The following USP15 variants were observed in gnomAD, a reference collection of about 807,000 sequenced individuals.
USP15 encodes ubiquitin carboxyl-terminal hydrolase 15.
In USP15, 18 loss-of-function variants were observed where a neutral mutation model predicts 127.1. That is an observed-to-expected ratio of 0.14 (90% confidence interval 0.10 to 0.21). The LOEUF is 0.21. Ranked by LOEUF, USP15 falls within the 10% of genes least tolerant of loss-of-function variation. The pLI is 1.00. For synonymous variants in USP15, 364 were observed against 393.7 expected, an observed-to-expected ratio of 0.92 and a Z score of 0.89; for missense variants, 805 against 1,159.9, an observed-to-expected ratio of 0.69 and a Z score of 4.44.
intron 14 of USP15, among the ~76,000 whole-genome samples, 163 bp downstream of exon 14, chr12:62,390,151 T>C (rs1176516635): frequency 1.3e-5 from 2 of 152,188 alleles, no homozygotes; most frequent in African/African-American, 4.8e-5. Flanking sequence ...CACTTTCTTA[T>C]TCATGTAAAA....
intron 6 of USP15, chr12:62,335,829 CT>C: frequency 1.0e-6 from 1 of 985,320 alleles, no homozygotes; most frequent in Non-Finnish European, 1.2e-6. Context: ...TTTGACCTGT[CT>C]TTAGTATTTC....
chr12:62,331,759 A>G (rs148459922), intron 6 of USP15, among the ~76,000 whole-genome samples: 31 of 152,298 alleles, frequency 2.0e-4, no homozygotes, highest in African/African-American at 7.5e-4. Context: ...TTAATTTAAA[A>G]CATGTAGTCA....
chr12:62,310,339 GTA>G (rs2064628488), intron 3 of USP15, among the ~76,000 whole-genome samples: 2 of 151,700 alleles, frequency 1.3e-5, no homozygotes, highest in Admixed American at 1.3e-4. Context: ...CCATTTTACT[GTA>G]TGTTTGTACT....
intron 3 of USP15, among the ~76,000 whole-genome samples, chr12:62,309,137 G>A (rs1488525491): frequency 6.7e-6 from 1 of 148,364 alleles, no homozygotes; most frequent in Non-Finnish European, 1.5e-5. Context: ...TTCAGTCATT[G>A]TAGAGAGCAG....
chr12:62,384,308 T>A lies in USP15; in HGVS notation c.1473+6T>A. ...CACTTACCAAACCTATGCAGGTAAA[T>A]CATGGGTTGGTTTGTTTTGTTTTTT... On this transcript the variant is annotated splice_donor_region_variant and intron_variant, in intron 11 of 21. Transcript: ENST00000280377. The A allele has an allele frequency of 1.3e-6, 2 of 1,542,840 alleles. No homozygotes were observed. Among genetic ancestry groups the A allele is most frequent in the Non-Finnish European group, 8.7e-7 (1 of 1,144,784 alleles).
At chr12:62,294,038 C>T in intron 1 of USP15, 141 bp from the exon 2 acceptor site, 4 of 784,586 alleles carry the variant, frequency 5.1e-6, no homozygotes, top group Non-Finnish European at 7.8e-6. Flanking sequence ...CTTTCTAATA[C>T]TAAGGGGCAT....
chr12:62,321,754 A>G (rs1175203767), intron 5 of USP15, 145 bp downstream of exon 5: 2 of 544,836 alleles, frequency 3.7e-6, no homozygotes, highest in African/African-American at 2.0e-5. Flanking sequence ...CTTGCTGGTT[A>G]CTGACTCTGA....
At chr12:62,379,790 A>T (rs1320033112) in intron 8 of USP15, among the ~76,000 whole-genome samples, 1 of 152,104 alleles carries the variant, frequency 6.6e-6, no homozygotes, top group East Asian at 1.9e-4. Context: ...ATCAGATGAT[A>T]CTAAGTGATG....
At chr12:62,295,889 C>T (rs1026247735) in intron 2 of USP15, among the ~76,000 whole-genome samples, 3 of 152,166 alleles carry the variant, frequency 2.0e-5, no homozygotes, top group African/African-American at 7.2e-5. Flanking sequence ...GTAGGTGAAA[C>T]CTGTAAATAG....
chr12:62,268,900 C>T (rs1376128846), intron 1 of USP15, among the ~76,000 whole-genome samples: 1 of 152,070 alleles, frequency 6.6e-6, no homozygotes, highest in African/African-American at 2.4e-5. Flanking sequence ...AGTCACCTCC[C>T]ATTTCTCTCC....
chr12:62,402,839 G>T (rs1370579963), intron 21 of USP15, among the ~76,000 whole-genome samples: 2 of 151,984 alleles, frequency 1.3e-5, no homozygotes, highest in Non-Finnish European at 2.9e-5. Context: ...AGATAGATTG[G>T]AGACACTGAG....
chr12:62,270,590 G>T (rs574767149), intron 1 of USP15, among the ~76,000 whole-genome samples: 9 of 152,154 alleles, frequency 5.9e-5, no homozygotes, highest in Admixed American at 2.0e-4. Flanking sequence ...TGGTTATCCA[G>T]TTGTCCCAAA....
intron 4 of USP15, among the ~76,000 whole-genome samples, chr12:62,318,462 TC>T (rs1351984261): frequency 6.6e-6 from 1 of 152,202 alleles, no homozygotes; most frequent in Non-Finnish European, 1.5e-5. Context: ...TCACTTGGCT[TC>T]CTGGGCACAG....
At chr12:62,273,753 TC>T (rs1258269613) in intron 1 of USP15, among the ~76,000 whole-genome samples, 1 of 152,054 alleles carries the variant, frequency 6.6e-6, no homozygotes, top group Non-Finnish European at 1.5e-5. Flanking sequence ...AAAACATGAA[TC>T]TCTTATAGGC....
At chr12:62,381,846 C>T (rs1348941743) in intron 9 of USP15, among the ~76,000 whole-genome samples, 183 bp downstream of exon 9, 2 of 151,886 alleles carry the variant, frequency 1.3e-5, no homozygotes, top group African/African-American at 4.8e-5. Context: ...GGATATGGAA[C>T]AGTTTATCTG....
At chr12:62,300,908 C>T (rs1319902844) in intron 2 of USP15, among the ~76,000 whole-genome samples, 4 of 152,080 alleles carry the variant, frequency 2.6e-5, no homozygotes, top group Non-Finnish European at 4.4e-5. Context: ...ACAAAAGCTT[C>T]TTTAAATGAC....
intron 6 of USP15, among the ~76,000 whole-genome samples, chr12:62,343,184 G>T (rs1328517621): frequency 3.9e-5 from 6 of 152,156 alleles, no homozygotes; most frequent in African/African-American, 1.4e-4. Context: ...ATCCTGCCCA[G>T]TCAAAACCTC....
chr12:62,355,458 A>C lies in USP15; in HGVS notation c.898A>C (p.Met300Leu). The C allele has an allele frequency of 6.2e-7, 1 of 1,603,540 alleles. No individual in the cohort carries two copies. Among genetic ancestry groups the C allele is most frequent in the Non-Finnish European group, 8.5e-7 (1 of 1,175,414 alleles). ...AAGTAACTTGGGAAATACGTGTTTC[A>C]TGAACTCAGCTATTCAGGTAGGTCT... is the stretch of plus-strand genomic sequence containing the variant. ...GLSNLGNTCF[M>L]NSAIQCLSNT... The change falls in exon 8 of 22, where the codon ATG becomes CTG. Residue 300 changes from methionine to leucine, a missense_variant. By Grantham distance (15) the Met-to-Leu change is conservative. Around this residue, in one of 11 missense-constraint regions of USP15, gnomAD observed 84 missense variants for 107.7 expected, o/e 0.78. Transcript: ENST00000280377.
At position 62,320,043 on chromosome 12, in the gene USP15, C is replaced by A. The variant is rs551830927; in HGVS notation, c.476-1421C>A. ...TATCACAAGATACTGATGATTAGTG[C>A]ATGTTTCTGTATACATGTTCACTTT... On this transcript the variant is annotated intron_variant, in intron 4 of 21. Transcript: ENST00000280377. Among the ~76,000 whole-genome samples, 20 of 152,150 alleles carry A rather than the reference C, an allele frequency of 1.3e-4. No individual in the cohort carries two copies. The East Asian group carries it at 3.9e-3, about 29-fold the overall frequency.
Sources: allele counts gnomAD v4.1 joint callset (sites outside exome capture counted in the v4.1 genomes callset), GRCh38; gene constraint gnomAD v4.1.1; regional missense constraint gnomAD v4.1.1; transcripts MANE v1.5; gene names NCBI Gene and HGNC (gene_info 2026-07-23, HGNC 2026-07-21).